Variants in LPIN1 observed in about 807,000 individuals in gnomAD.
The protein encoded by LPIN1 is phosphatidate phosphatase LPIN1.
Under a neutral mutation model 107.5 loss-of-function variants are expected in LPIN1, and 71 were observed. The observed-to-expected ratio is 0.66, with a 90% confidence interval of 0.55 to 0.80. LPIN1 has a LOEUF of 0.80. LPIN1 is among the 30% of genes least tolerant of loss of function. LPIN1 has a pLI of 0.00. For missense variants in LPIN1, 1,043 were observed against 1,160.6 expected, an observed-to-expected ratio of 0.90 and a Z score of 1.47; for synonymous variants, 445 against 452.6, an observed-to-expected ratio of 0.98 and a Z score of 0.21.
chr2:11,733,521 T>C (rs576588270), intron 1 of LPIN1, among the ~76,000 whole-genome samples: 6 of 150,886 alleles, frequency 4.0e-5, no homozygotes, highest in African/African-American at 1.5e-4. Context: ...TTTGACAAAG[T>C]CTTGGTTTTG....
At chr2:11,810,714 A>G (rs1679498353) in intron 17 of LPIN1, among the ~76,000 whole-genome samples, 2 of 152,032 alleles carry the variant, frequency 1.3e-5, no homozygotes, top group African/African-American at 4.8e-5. Flanking sequence ...TAGTGGGTGG[A>G]CCCGGGATGG....
At chr2:11,713,285 G>T (rs931560993) in intron 1 of LPIN1, among the ~76,000 whole-genome samples, 4 of 152,210 alleles carry the variant, frequency 2.6e-5, no homozygotes, top group Non-Finnish European at 5.9e-5. Context: ...CTTTGTGTTT[G>T]TTTGAGATGG....
intron 1 of LPIN1, among the ~76,000 whole-genome samples, chr2:11,755,868 C>T (rs1031062422): frequency 8.6e-5 from 13 of 151,968 alleles, no homozygotes; most frequent in Admixed American, 1.3e-4. Flanking sequence ...ACTACAGGTG[C>T]GTGCCACTGT....
At chr2:11,705,574 A>T (rs1204155772) in intron 1 of LPIN1, among the ~76,000 whole-genome samples, 1 of 152,166 alleles carries the variant, frequency 6.6e-6, no homozygotes, top group East Asian at 1.9e-4. Context: ...GGGGGTGAAG[A>T]GAGGCTATCC....
chr2:11,726,701 A>G (rs1664699917), intron 1 of LPIN1, among the ~76,000 whole-genome samples: 1 of 152,212 alleles, frequency 6.6e-6, no homozygotes, highest in South Asian at 2.1e-4. Flanking sequence ...AAAATAAGCC[A>G]TAGAATTGAT....
At chr2:11,756,475 G>C (rs567028013) in intron 1 of LPIN1, among the ~76,000 whole-genome samples, 1 of 152,176 alleles carries the variant, frequency 6.6e-6, no homozygotes, top group African/African-American at 2.4e-5. Context: ...TGCAACCTCT[G>C]CCTCCTGGGT....
intron 1 of LPIN1, among the ~76,000 whole-genome samples, chr2:11,700,448 C>T (rs1472289997): frequency 6.6e-6 from 1 of 152,078 alleles, no homozygotes; most frequent in African/African-American, 2.4e-5. Flanking sequence ...CACTATTTCT[C>T]ATTTTCTCTC....
At chr2:11,712,413 G>A (rs1376076236) in intron 1 of LPIN1, among the ~76,000 whole-genome samples, 1 of 152,086 alleles carries the variant, frequency 6.6e-6, no homozygotes, top group African/African-American at 2.4e-5. Context: ...TGGACCCTGG[G>A]CATATCTTGA....
At chr2:11,818,389 ATCT>A (rs1309369118) in intron 18 of LPIN1, 4 of 152,262 alleles carry the variant, frequency 2.6e-5, no homozygotes, top group Non-Finnish European at 5.9e-5. Context: ...GGTCTGGCAC[ATCT>A]TCTGTTAGAT....
exon 1 of LPIN1, chr2:11,724,436 C>T (rs1176299339): frequency 4.1e-6 from 4 of 985,788 alleles, no homozygotes; most frequent in Non-Finnish European, 4.8e-6. Context: ...AAGGGCAAGA[C>T]CGGGGCCAGC....
chr2:11,699,213 G>A (rs1393744683), intron 1 of LPIN1, among the ~76,000 whole-genome samples: 1 of 152,214 alleles, frequency 6.6e-6, no homozygotes, highest in Non-Finnish European at 1.5e-5. Flanking sequence ...CTATAAATCA[G>A]TAACGGGTCC....
chr2:11,746,490 CCAGCAGGCCCTGAAAGCAGCCGGG>C (rs1234722830), upstream of LPIN1: 2 of 223,676 alleles, frequency 8.9e-6, no homozygotes, highest in Non-Finnish European at 7.5e-6. Context: ...GCAGGGCCGG[CCAGCAGGCCCTGAAAGCAGCCGGG>C]CCACCAGCGC....
At chr2:11,761,012 T>C (rs1166201985) in intron 1 of LPIN1, among the ~76,000 whole-genome samples, 1 of 152,182 alleles carries the variant, frequency 6.6e-6, no homozygotes, top group Admixed American at 6.5e-5. Context: ...AGAGAGCCCC[T>C]CTTCACCAGC....
chr2:11,765,684 T>G lies in LPIN1; in HGVS notation c.143T>G (p.Phe48Cys), dbSNP rs762123681. 1 of 1,613,768 alleles carries G rather than the reference T, an allele frequency of 6.2e-7. No homozygotes were observed. Among genetic ancestry groups the G allele is most frequent in the Non-Finnish European group, 8.5e-7 (1 of 1,179,710 alleles). The change falls in exon 2 of 21, where the codon TTC becomes TGC. Residue 48 changes from phenylalanine to cysteine, a missense_variant. Coordinates refer to ENST00000674199, the MANE Select transcript of LPIN1 (RefSeq NM_001349206.2). The surrounding 1 kb of genome is among the most constrained non-coding windows in gnomAD (Gnocchi z 4.4). ...QPNGNLQCSPFHVRFGKMGVL... is the reference protein window; with the variant it reads ...QPNGNLQCSPCHVRFGKMGVL... Reference sequence around the variant, plus strand: ...AATGGAAACCTCCAATGCTCCCCTTTCCACGTCCGCTTTGGGAAGATGGGG... The same window carrying G: ...AATGGAAACCTCCAATGCTCCCCTTGCCACGTCCGCTTTGGGAAGATGGGG...
intron 18 of LPIN1, chr2:11,817,530 C>T (rs1680771543): frequency 6.6e-6 from 1 of 152,074 alleles, no homozygotes; most frequent in Admixed American, 6.5e-5. Context: ...ACATTTAGGT[C>T]TATAGTCCAC....
chr2:11,696,980 T>C (rs952180526), intron 1 of LPIN1, among the ~76,000 whole-genome samples: 3 of 152,206 alleles, frequency 2.0e-5, no homozygotes, highest in African/African-American at 7.2e-5. Context: ...GTCAGCAGCA[T>C]CTGTGGTGTG....
chr2:11,735,638 C>T (rs1335628018), intron 1 of LPIN1, among the ~76,000 whole-genome samples: 1 of 152,162 alleles, frequency 6.6e-6, no homozygotes. Flanking sequence ...GAATGAAGTC[C>T]TCAGAGTATA....
At chr2:11,767,610 C>G in intron 2 of LPIN1, 153 bp from the exon 3 acceptor site, 1 of 687,740 alleles carries the variant, frequency 1.5e-6, no homozygotes, top group Non-Finnish European at 2.7e-6. Context: ...TGACAGTTCC[C>G]TTGGATGGGA....
chr2:11,783,960 A>G (rs775510006), intron 9 of LPIN1, 38 bp downstream of exon 9: 2 of 1,613,316 alleles, frequency 1.2e-6, no homozygotes, highest in Non-Finnish European at 8.5e-7. Context: ...ATTTCCTATA[A>G]TCTGAATATC....
Sources: allele counts gnomAD v4.1 joint callset (sites outside exome capture counted in the v4.1 genomes callset), GRCh38; gene constraint gnomAD v4.1.1; non-coding constraint Gnocchi (gnomAD v3.1); transcripts MANE v1.5; gene names NCBI Gene and HGNC (gene_info 2026-07-23, HGNC 2026-07-21).